NCOA2: variants seen among roughly 807,000 people sequenced by gnomAD.
NCOA2 encodes nuclear receptor coactivator 2, also known as class E basic helix-loop-helix protein 75.
In NCOA2, 21 loss-of-function variants were observed where a neutral mutation model predicts 145.1. The observed-to-expected ratio is 0.14, with a 90% CI of 0.10 to 0.21. The LOEUF is 0.21. Among genes scored for constraint, NCOA2 ranks in the 10% least tolerant of loss-of-function variants. The probability of loss-of-function intolerance (pLI) is 1.00; values close to 1 mark genes in which losing one functional copy is unlikely to be tolerated. For missense variants in NCOA2, 1,472 were observed against 1,837.6 expected, an observed-to-expected ratio of 0.80 and a Z score of 3.64; for synonymous variants, 619 against 637.5, an observed-to-expected ratio of 0.97 and a Z score of 0.44.
intron 11 of NCOA2, among the ~76,000 whole-genome samples, chr8:70,152,090 A>G (rs1811816215): frequency 6.6e-6 from 1 of 152,240 alleles, no homozygotes; most frequent in Non-Finnish European, 1.5e-5. Context: ...TGCTTTGCCA[A>G]GATACTTCAA....
At chr8:70,287,273 A>G (rs1033016295) in intron 2 of NCOA2, among the ~76,000 whole-genome samples, 4 of 152,002 alleles carry the variant, frequency 2.6e-5, no homozygotes, top group African/African-American at 9.7e-5. Flanking sequence ...TAATTAATTA[A>G]TTAGGTTTTT....
At chr8:70,431,075 A>C in the NCOA2 span, among the ~76,000 whole-genome samples, 2 of 152,160 alleles carry the variant, frequency 1.3e-5, no homozygotes, top group African/African-American at 4.8e-5. Flanking sequence ...ATCTTATGAA[A>C]GTGTGATTTT....
the NCOA2 span, among the ~76,000 whole-genome samples, chr8:70,438,034 T>G: frequency 6.6e-6 from 1 of 152,328 alleles, no homozygotes; most frequent in African/African-American, 2.4e-5. Context: ...AGACAAAACA[T>G]CTGGATGATT....
chr8:70,427,684 C>T, the NCOA2 span, among the ~76,000 whole-genome samples: 2 of 152,224 alleles, frequency 1.3e-5, no homozygotes, highest in Admixed American at 1.3e-4. Context: ...GCCTCTGCCC[C>T]TGTTCAATTT....
chr8:70,355,934 T>G (rs773261321), intron 1 of NCOA2, among the ~76,000 whole-genome samples: 1 of 152,334 alleles, frequency 6.6e-6, no homozygotes, highest in African/African-American at 2.4e-5. Context: ...TCTAATAATA[T>G]AAAGTTTTAT....
chr8:70,245,332 G>T (rs1822520253), intron 2 of NCOA2: 1 of 152,016 alleles, frequency 6.6e-6, no homozygotes, highest in South Asian at 2.1e-4. Context: ...CAGCATGGTG[G>T]AACACTCGAA....
At chr8:70,253,181 AG>A (rs1186372117) in intron 2 of NCOA2, among the ~76,000 whole-genome samples, 1 of 152,248 alleles carries the variant, frequency 6.6e-6, no homozygotes, top group African/African-American at 2.4e-5. Flanking sequence ...TACCATTAGC[AG>A]AAAAAAGACA....
At chr8:70,263,872 G>T (rs549691239) in intron 2 of NCOA2, among the ~76,000 whole-genome samples, 87 of 152,240 alleles carry the variant, frequency 5.7e-4, no homozygotes, top group African/African-American at 1.9e-3. Context: ...AAACTGAATA[G>T]TGAAATACCA....
chr8:70,295,931 C>T (rs760479185), intron 2 of NCOA2, among the ~76,000 whole-genome samples: 9 of 151,980 alleles, frequency 5.9e-5, no homozygotes, highest in South Asian at 2.1e-4. Context: ...GGTGAAAGAG[C>T]GAGATTCCAT....
At chr8:70,335,153 A>AAAAAG (rs1563776041) in intron 1 of NCOA2, among the ~76,000 whole-genome samples, 3 of 131,638 alleles carry the variant, frequency 2.3e-5, no homozygotes, top group Non-Finnish European at 1.6e-5. Flanking sequence ...AAAAAAAAAA[A>AAAAAG]GATCTCTCCC....
intron 2 of NCOA2, among the ~76,000 whole-genome samples, chr8:70,243,804 AAAAAG>A (rs1822371198): frequency 6.6e-6 from 1 of 151,598 alleles, no homozygotes; most frequent in African/African-American, 2.4e-5. Flanking sequence ...AAAAAAAAAA[AAAAAG>A]AATGTGGGAG....
chr8:70,413,863 T>C, the NCOA2 span, among the ~76,000 whole-genome samples: 1 of 152,118 alleles, frequency 6.6e-6, no homozygotes, highest in African/African-American at 2.4e-5. Flanking sequence ...TCCCCCAAAA[T>C]AATTATGAAG....
chr8:70,292,128 C>T (rs1409857945), intron 2 of NCOA2, among the ~76,000 whole-genome samples: 1 of 151,278 alleles, frequency 6.6e-6, no homozygotes, highest in Non-Finnish European at 1.5e-5. Context: ...GAAATCAGTG[C>T]CCTGTTTTTT....
At position 70,113,034 on chromosome 8, in the gene NCOA2, C is replaced by G. The variant is rs751305164; in HGVS notation, c.*598G>C. 6 of 200,570 alleles carry G rather than the reference C, an allele frequency of 3.0e-5. No individual in the cohort carries two copies. Among genetic ancestry groups the G allele is most frequent in the African/African-American group, 9.2e-5 (4 of 43,528 alleles). 12.4% of individuals were successfully genotyped at this position (200,570 alleles called of 1,614,324 possible). ...TTTCCAACATGGTCTTTAGAGCTTT[C>G]TAGAGATACGACTGTGACTTTGTTG... On this transcript the variant is annotated 3_prime_UTR_variant, in exon 23 of 23. Coordinates refer to ENST00000452400, the MANE Select transcript of NCOA2 (RefSeq NM_006540.4).
chr8:70,366,742 TAAA>T (rs34947410), intron 1 of NCOA2, among the ~76,000 whole-genome samples: 3 of 138,594 alleles, frequency 2.2e-5, no homozygotes, highest in Non-Finnish European at 4.8e-5. Flanking sequence ...CCATTGGCTT[TAAA>T]AAAAAAAAAA....
intron 22 of NCOA2, among the ~76,000 whole-genome samples, 189 bp downstream of exon 22, chr8:70,121,113 T>C (rs1162369590): frequency 1.3e-5 from 2 of 152,202 alleles, no homozygotes; most frequent in African/African-American, 4.8e-5. Context: ...ATGGTACCAT[T>C]AGCTGAGTTA....
At chr8:70,175,925 A>C (rs1585965004) in intron 4 of NCOA2, among the ~76,000 whole-genome samples, 1 of 151,202 alleles carries the variant, frequency 6.6e-6, no homozygotes, top group Middle Eastern at 3.2e-3. Flanking sequence ...TGTAAAGCCT[A>C]ATTTATGGCT....
At chr8:70,395,066 A>C (rs1197845320) in intron 1 of NCOA2, among the ~76,000 whole-genome samples, 1 of 152,246 alleles carries the variant, frequency 6.6e-6, no homozygotes. Context: ...TGAAATCCTT[A>C]ATGATAGTAA....
intron 4 of NCOA2, among the ~76,000 whole-genome samples, chr8:70,202,703 G>A (rs963855130): frequency 2.6e-5 from 4 of 152,208 alleles, no homozygotes; most frequent in Admixed American, 1.3e-4. Context: ...CAGAGTTGCT[G>A]TTTACTGGGA....
Sources: gnomAD v4.1 joint callset for allele counts (sites outside exome capture counted in the v4.1 genomes callset) on GRCh38, gnomAD v4.1.1 for gene constraint, MANE v1.5 for transcripts, NCBI Gene and HGNC (gene_info 2026-07-23, HGNC 2026-07-21) for gene names.